The following GCG variants were observed in gnomAD, a reference collection of about 807,000 sequenced individuals.
GCG encodes pro-glucagon.
GCG carries 11 observed loss-of-function variants against 22.8 expected under a neutral mutation model. The observed-to-expected ratio is 0.48, with a 90% CI of 0.30 to 0.80. The LOEUF is 0.80. Among genes scored for constraint, GCG ranks in the 30% least tolerant of loss-of-function variants. The probability of loss-of-function intolerance (pLI) is 0.06; values close to 1 mark genes in which losing one functional copy is unlikely to be tolerated. For missense variants in GCG, 222 were observed against 222.0 expected, an observed-to-expected ratio of 1.00 and a Z score of 0.00; for synonymous variants, 89 against 72.4, an observed-to-expected ratio of 1.23 and a Z score of -1.16.
At chr2:162,144,657 T>A (rs1686636856) in intron 4 of GCG, 1 of 152,308 alleles carries the variant, frequency 6.6e-6, no homozygotes, top group African/African-American at 2.4e-5. Flanking sequence ...AGTGAGAAAC[T>A]ATTTTACCAT....
chr2:162,150,115 T>C (rs1354833827), intron 1 of GCG, among the ~76,000 whole-genome samples: 1 of 152,124 alleles, frequency 6.6e-6, no homozygotes, highest in African/African-American at 2.4e-5. Context: ...CGACGGGGAC[T>C]GGGACCAACA....
chr2:162,145,874 C>CT (rs1686670948), intron 3 of GCG, among the ~76,000 whole-genome samples, 197 bp from the exon 4 acceptor site: 1 of 152,092 alleles, frequency 6.6e-6, no homozygotes, highest in African/African-American at 2.4e-5. Context: ...GAGCTAATAA[C>CT]AATCGGTGGG....
chr2:162,145,358 T>C lies in GCG; in HGVS notation c.392+182A>G, dbSNP rs1479610749. The C allele has an allele frequency of 5.9e-6, 3 of 510,260 alleles. No homozygotes were observed. The East Asian group carries it at 9.9e-5, about 17-fold the overall frequency. 31.6% of individuals were successfully genotyped at this position (510,260 alleles called of 1,614,324 possible). A position where few individuals can be genotyped will look rare whatever the true frequency, so the allele number is the denominator to read the frequency against. ...GTAACCTGTTTGGCTCTATTATTAA[T>C]ACTTAGTACCAAAAACAAAATGGGT... On this transcript the variant is annotated intron_variant, in intron 4 of 5. Transcript: ENST00000418842.
chr2:162,147,745 C>T, intron 2 of GCG: 1 of 553,184 alleles, frequency 1.8e-6, no homozygotes, highest in Non-Finnish European at 3.2e-6. Flanking sequence ...TCTCAACTGA[C>T]TTCTTTTTTT....
chr2:162,145,460 C>T (rs1258591367), intron 4 of GCG, 80 bp downstream of exon 4: 5 of 1,129,232 alleles, frequency 4.4e-6, no homozygotes, highest in Non-Finnish European at 6.2e-6. Flanking sequence ...TTCTGTAATC[C>T]AGATCCATAT....
At position 162,149,164 on chromosome 2, in the gene GCG, G is replaced by A. The variant is rs5645; in HGVS notation, c.15C>T (p.Tyr5=). The change falls in exon 2 of 6, where the codon TAC becomes TAT. Residue 5 remains tyrosine (Y), a synonymous_variant. Coordinates refer to ENST00000418842, the MANE Select transcript of GCG (RefSeq NM_002054.5). ...GCATTACAAATAATCCAGCCACAAA[G>A]TAAATGCTTTTCATTTCTGCTGTCT... MKSI[Y]FVAGLFVMLV... 61,684 of 1,610,482 alleles carry A rather than the reference G, an allele frequency of 0.038. 5,373 individuals carry two copies. Among genetic ancestry groups the A allele is most frequent in the Admixed American group, 0.33 (19,651 of 59,732 alleles).
At chr2:162,144,417 C>A in intron 4 of GCG, 1 of 448,668 alleles carries the variant, frequency 2.2e-6, no homozygotes, top group South Asian at 3.3e-5. Context: ...ATCTTCTAGG[C>A]TGTTTTGAAG....
intron 3 of GCG, among the ~76,000 whole-genome samples, chr2:162,146,536 TG>T (rs1341351866): frequency 9.0e-6 from 1 of 111,242 alleles, no homozygotes; most frequent in East Asian, 3.6e-4. Flanking sequence ...CCTGCTTGCT[TG>T]TTCTCTCTCT....
chr2:162,148,764 A>G (rs1423512477), intron 2 of GCG, among the ~76,000 whole-genome samples: 1 of 152,146 alleles, frequency 6.6e-6, no homozygotes, highest in Non-Finnish European at 1.5e-5. Context: ...AAAAGAGAAA[A>G]GAGTTGGTGC....
chr2:162,146,346 C>T (rs1310332587), intron 3 of GCG, among the ~76,000 whole-genome samples: 3 of 152,028 alleles, frequency 2.0e-5, no homozygotes, highest in Non-Finnish European at 4.4e-5. Flanking sequence ...TGTGGCATTC[C>T]CATTCTAGAA....
intron 3 of GCG, 78 bp from the exon 4 acceptor site, chr2:162,145,755 T>C: frequency 1.6e-6 from 2 of 1,246,036 alleles, no homozygotes; most frequent in Non-Finnish European, 2.3e-6. Context: ...GTGGCAACTT[T>C]GGGTTCAGGA....
rs555967139 is a variant in GCG, at chr2:162,142,974, A to C, written c.*390T>G. On this transcript the variant is annotated 3_prime_UTR_variant, in exon 6 of 6. Transcript: ENST00000418842. ...TTTCAGGAAGAAAGTTCTCTTTCCA[A>C]TTTCACCACTGTGGCTACCAGTTCT... 6.2e-6 allele frequency: 1 copy of C among 161,566 alleles called. No individual in the cohort carries two copies. The highest frequency in any genetic ancestry group is 1.3e-5 in the Non-Finnish European group (1 of 74,302). 10.0% of individuals were successfully genotyped at this position (161,566 alleles called of 1,614,324 possible). A position where few individuals can be genotyped will look rare whatever the true frequency, so the allele number is the denominator to read the frequency against.
intron 3 of GCG, among the ~76,000 whole-genome samples, chr2:162,146,284 C>T (rs967498262): frequency 3.3e-5 from 5 of 152,136 alleles, no homozygotes; most frequent in African/African-American, 9.7e-5. Flanking sequence ...ATTTTAAACA[C>T]ATAGGCAACA....
chr2:162,149,185 T>A lies in GCG; in HGVS notation c.-7A>T. 1 of 1,595,884 alleles carries A rather than the reference T, an allele frequency of 6.3e-7. No individual in the cohort carries two copies. ...CAAAGTAAATGCTTTTCATTTCTGC[T>A]GTCTGTCAGAACACAGAATGGGGGT... On this transcript the variant is annotated splice_region_variant and 5_prime_UTR_variant, in exon 2 of 6. Transcript: ENST00000418842.
chr2:162,151,068 T>A (rs1045586000), intron 1 of GCG, among the ~76,000 whole-genome samples: 1 of 152,058 alleles, frequency 6.6e-6, no homozygotes, highest in Non-Finnish European at 1.5e-5. Context: ...AAGTAGAGAT[T>A]TATGTTATTT....
chr2:162,147,494 G>C lies in GCG; in HGVS notation c.113C>G (p.Ala38Gly). 3 of 1,613,112 alleles carry C rather than the reference G, an allele frequency of 1.9e-6. No individual in the cohort carries two copies. Among genetic ancestry groups the C allele is most frequent in the Non-Finnish European group, 2.5e-6 (3 of 1,179,284 alleles). Residue 38 changes from alanine to glycine, a missense_variant, in exon 3 of 6, where the codon GCA becomes GGA. Transcript: ENST00000418842. ...CTGATCAGGATCACTGAGTGGGTCT[G>C]CCTGGGAAGCTGAGAATGATCTGTG... ...EKSRSFSASQ[A>G]DPLSDPDQMN...
Position 162,145,555 on chromosome 2 carries a change from C to A in GCG, c.377G>T (p.Gly126Val). The A allele has an allele frequency of 6.2e-7, 1 of 1,609,314 alleles. No homozygotes were observed. The highest frequency in any genetic ancestry group is 8.5e-7 in the Non-Finnish European group (1 of 1,177,892). ...ACAGACTTACTCTCGCCTTCCTCGG[C>A]CTTTCACCAGCCAAGCAATGAATTC... ...AKEFIAWLVK[G>V]RGRRDFPEEV... The change falls in exon 4 of 6, where the codon GGC becomes GTC. Residue 126 changes from glycine (G) to valine (V), a missense_variant. Physicochemically the swap from Gly to Val is moderately radical, Grantham distance 109. Transcript: ENST00000418842.
rs746329761 is a variant in GCG, at chr2:162,149,161, A to G, written c.18T>C (p.Phe6=). 1 of 1,611,840 alleles carries G rather than the reference A, an allele frequency of 6.2e-7. No homozygotes were observed. The highest frequency in any genetic ancestry group is 8.5e-7 in the Non-Finnish European group (1 of 1,178,374). Residue 6 remains phenylalanine (F), a synonymous_variant, in exon 2 of 6, where the codon TTT becomes TTC. Coordinates refer to ENST00000418842, the MANE Select transcript of GCG (RefSeq NM_002054.5). The part of the protein sequence containing the change: MKSIY[F]VAGLFVMLVQ... ...CCAGCATTACAAATAATCCAGCCAC[A>G]AAGTAAATGCTTTTCATTTCTGCTG...
intron 1 of GCG, among the ~76,000 whole-genome samples, chr2:162,150,131 G>A (rs1686796384): frequency 6.6e-6 from 1 of 152,116 alleles, no homozygotes; most frequent in Non-Finnish European, 1.5e-5. Flanking sequence ...CAACATGAAT[G>A]TGGGACAGAA....
Sources: gnomAD v4.1 joint callset for allele counts (sites outside exome capture counted in the v4.1 genomes callset) on GRCh38, gnomAD v4.1.1 for gene constraint, MANE v1.5 for transcripts, NCBI Gene and HGNC (gene_info 2026-07-23, HGNC 2026-07-21) for gene names.